PASD1: variants seen among roughly 807,000 people sequenced by gnomAD.
The protein encoded by PASD1 is circadian clock protein PASD1.
PASD1 carries 13 observed loss-of-function variants against 58.8 expected under a neutral mutation model. That is an observed-to-expected ratio of 0.22 (90% CI 0.14 to 0.35). PASD1 has a LOEUF of 0.35. Ranked by LOEUF, PASD1 falls within the 10% of genes least tolerant of loss-of-function variation. PASD1 has a pLI of 1.00. For synonymous variants in PASD1, 236 were observed against 216.7 expected, an observed-to-expected ratio of 1.09 and a Z score of -0.78; for missense variants, 734 against 568.3, an observed-to-expected ratio of 1.29 and a Z score of -2.96.
chrX:151,653,782 CTTT>C (rs2014176725), intron 9 of PASD1, among the ~76,000 whole-genome samples: 4 of 15,725 alleles, frequency 2.5e-4, no homozygotes, highest in African/African-American at 6.8e-4. Flanking sequence ...TTCTTTCTTT[CTTT>C]CTTTCTTTCT....
chrX:151,607,884 AC>A (rs1486018378), intron 3 of PASD1, among the ~76,000 whole-genome samples: 1 of 111,949 alleles, frequency 8.9e-6, no homozygotes, highest in Non-Finnish European at 1.9e-5. Flanking sequence ...AGCAAAGCTA[AC>A]ATCCCTGGCT....
intron 11 of PASD1, among the ~76,000 whole-genome samples, chrX:151,668,578 A>G (rs1254048877): frequency 9.0e-6 from 1 of 111,406 alleles, no homozygotes; most frequent in African/African-American, 3.3e-5. Context: ...TACTATAAAC[A>G]CCTCTACGCA....
intron 1 of PASD1, among the ~76,000 whole-genome samples, chrX:151,572,206 C>A (rs1428538213): frequency 9.0e-6 from 1 of 111,280 alleles, no homozygotes; most frequent in Non-Finnish European, 1.9e-5. Flanking sequence ...TATAGCTCTT[C>A]TTTGAAATAA....
rs1460663540 is a variant in PASD1 at position 151,664,311 on chromosome X, A to G, written c.1034A>G (p.Asp345Gly). The G allele has an allele frequency of 5.0e-6, 6 of 1,208,943 alleles. No homozygotes were observed. In the South Asian group the frequency reaches 8.8e-5, roughly 18 times the overall value. The change falls in exon 11 of 16, where the codon GAC becomes GGC. Residue 345 changes from aspartate (D) to glycine (G), a missense_variant. By Grantham distance (94) the Asp-to-Gly change is moderately conservative. Coordinates refer to ENST00000370357, the MANE Select transcript of PASD1 (RefSeq NM_173493.3). ...CTGATGGATCCAGTGGATCCAGAGG[A>G]CTCAGTGGACCTGGGGGCTGCTGGC... ...AGLMDPVDPE[D>G]SVDLGAAGAS...
At chrX:151,648,235 A>G (rs965634339) in intron 8 of PASD1, among the ~76,000 whole-genome samples, 3 of 110,363 alleles carry the variant, frequency 2.7e-5, no homozygotes, top group Non-Finnish European at 5.7e-5. Flanking sequence ...GAGAATGGAG[A>G]GTTTCTCTAA....
chrX:151,625,392 G>A, intron 7 of PASD1, 56 bp from the exon 8 acceptor site: 3 of 904,282 alleles, frequency 3.3e-6, no homozygotes, highest in Non-Finnish European at 4.7e-6. Context: ...TATATGCTGT[G>A]CATTTTTACT....
intron 8 of PASD1, among the ~76,000 whole-genome samples, chrX:151,640,383 G>C (rs1423880253): frequency 9.0e-6 from 1 of 111,607 alleles, no homozygotes; most frequent in Non-Finnish European, 1.9e-5. Context: ...TTTGATAATG[G>C]ATCCAAATAT....
chrX:151,598,339 G>C (rs901310457), intron 1 of PASD1, among the ~76,000 whole-genome samples: 2 of 111,317 alleles, frequency 1.8e-5, no homozygotes, highest in Admixed American at 9.5e-5. Context: ...GGTATGTATT[G>C]ATCTTTTTTA....
At chrX:151,667,513 C>G (rs59639759) in intron 11 of PASD1, among the ~76,000 whole-genome samples, 4 of 112,043 alleles carry the variant, frequency 3.6e-5, no homozygotes, top group Admixed American at 9.5e-5. Context: ...TGTGGTTTTA[C>G]GTCTAACATT....
At chrX:151,672,974 T>A (rs780169314) in intron 14 of PASD1, 4 of 247,009 alleles carry the variant, frequency 1.6e-5, no homozygotes, top group African/African-American at 1.1e-4. Flanking sequence ...CCAAGCCCAG[T>A]CTCTTGCACA....
At chrX:151,610,554 G>C (rs894121702) in intron 3 of PASD1, among the ~76,000 whole-genome samples, 2 of 110,769 alleles carry the variant, frequency 1.8e-5, no homozygotes, top group African/African-American at 6.6e-5. Flanking sequence ...TATGTCTGTT[G>C]CCTCTTATTC....
At chrX:151,622,339 T>C (rs1030818657) in intron 6 of PASD1, among the ~76,000 whole-genome samples, 6 of 110,291 alleles carry the variant, frequency 5.4e-5, no homozygotes, top group African/African-American at 2.0e-4. Flanking sequence ...TATGAAAAGA[T>C]ACTCCAACTC....
Position 151,672,221 on chromosome X carries a change from G to A in PASD1, c.1476G>A (p.Gln492=). The change falls in exon 14 of 16, where the codon CAG becomes CAA. Residue 492 remains glutamine, a synonymous_variant. Transcript: ENST00000370357. ...AGCAAGAACAACACCTGAAGGAGCAGCAGCGGCAGCTGCGGGAGCAGCTGC... is the reference window on the plus strand; with the variant it reads ...AGCAAGAACAACACCTGAAGGAGCAACAGCGGCAGCTGCGGGAGCAGCTGC... ...LVQQEQHLKE[Q]QRQLREQLQQ... The A allele has an allele frequency of 8.8e-7, 1 of 1,137,890 alleles. No homozygotes were observed. Among genetic ancestry groups the A allele is most frequent in the Non-Finnish European group, 1.2e-6 (1 of 851,032 alleles). 93.8% of individuals were successfully genotyped at this position (1,137,890 alleles called of 1,213,427 possible). A position where few individuals can be genotyped will look rare whatever the true frequency, so the allele number is the denominator to read the frequency against.
intron 9 of PASD1, among the ~76,000 whole-genome samples, chrX:151,649,618 G>T (rs1032629153): frequency 4.5e-5 from 5 of 112,130 alleles, no homozygotes; most frequent in African/African-American, 9.7e-5. Context: ...TGGCTGTCTT[G>T]TTGGTCAGCA....
chrX:151,574,952 A>G (rs943542450), intron 1 of PASD1, among the ~76,000 whole-genome samples: 3 of 112,028 alleles, frequency 2.7e-5, no homozygotes, highest in East Asian at 5.6e-4. Flanking sequence ...GCTCCCAGCC[A>G]TCACGCACTT....
intron 1 of PASD1, among the ~76,000 whole-genome samples, chrX:151,585,972 A>G (rs999673418): frequency 1.8e-5 from 2 of 111,781 alleles, no homozygotes; most frequent in South Asian, 7.6e-4. Flanking sequence ...TGATCAGCAG[A>G]ATTCTTACAT....
At chrX:151,659,558 G>A (rs2014285209) in intron 9 of PASD1, among the ~76,000 whole-genome samples, 155 bp from the exon 10 acceptor site, 2 of 112,126 alleles carry the variant, frequency 1.8e-5, no homozygotes, top group African/African-American at 6.5e-5. Flanking sequence ...TTTTAAGGAG[G>A]TATTTGATGA....
At chrX:151,662,408 C>G (rs1374986059) in intron 10 of PASD1, among the ~76,000 whole-genome samples, 1 of 110,543 alleles carries the variant, frequency 9.0e-6, no homozygotes, top group Non-Finnish European at 1.9e-5. Context: ...TCCATTATTA[C>G]ATGTTGTCAT....
intron 8 of PASD1, among the ~76,000 whole-genome samples, chrX:151,647,010 G>A (rs2014069079): frequency 8.9e-6 from 1 of 112,081 alleles, no homozygotes; most frequent in African/African-American, 3.2e-5. Flanking sequence ...TTTCAGTCTT[G>A]AGTGACTGGG....
Sources: allele counts gnomAD v4.1 joint callset (sites outside exome capture counted in the v4.1 genomes callset), GRCh38; gene constraint gnomAD v4.1.1; transcripts MANE v1.5; gene names NCBI Gene and HGNC (gene_info 2026-07-23, HGNC 2026-07-21).